CCDC85A: variants seen among roughly 807,000 people sequenced by gnomAD.
CCDC85A encodes the protein coiled-coil domain containing 85A, also known as coiled-coil domain-containing protein 85A.
A neutral mutation model predicts 50.2 loss-of-function variants in CCDC85A; 38 were observed. The observed-to-expected ratio is 0.76, with a 90% confidence interval of 0.58 to 0.99. CCDC85A has a LOEUF of 0.99. CCDC85A is among the 50% of genes least tolerant of loss of function. The probability of loss-of-function intolerance (pLI) is 0.00; values close to 1 mark genes in which losing one functional copy is unlikely to be tolerated. For missense variants in CCDC85A, 820 were observed against 742.0 expected (o/e 1.11, Z -1.22); for synonymous variants, 366 against 301.4 (o/e 1.21, Z -2.22).
chr2:56,258,654 A>C (rs1573116847), intron 2 of CCDC85A, among the ~76,000 whole-genome samples: 1 of 152,222 alleles, frequency 6.6e-6, no homozygotes, highest in Non-Finnish European at 1.5e-5. Flanking sequence ...GGCAGGGATA[A>C]AGTTTGCAGA....
chr2:56,353,761 A>C (rs990395126), intron 3 of CCDC85A, among the ~76,000 whole-genome samples: 6 of 152,242 alleles, frequency 3.9e-5, no homozygotes, highest in African/African-American at 1.4e-4. Flanking sequence ...CTTTAAATCC[A>C]GTGCAACATT....
chr2:56,201,038 T>A (rs1342694461), intron 2 of CCDC85A, among the ~76,000 whole-genome samples: 7 of 151,154 alleles, frequency 4.6e-5, no homozygotes, highest in Admixed American at 4.6e-4. Context: ...GTGGATTTGG[T>A]AATTGCTCAA....
chr2:56,280,066 C>G (rs1303924557), intron 2 of CCDC85A, among the ~76,000 whole-genome samples: 1 of 152,184 alleles, frequency 6.6e-6, no homozygotes, highest in Non-Finnish European at 1.5e-5. Flanking sequence ...TACATACTAT[C>G]CTCACCCCCC....
intron 2 of CCDC85A, among the ~76,000 whole-genome samples, chr2:56,299,017 C>T (rs369324026): frequency 6.6e-6 from 1 of 152,226 alleles, no homozygotes. Context: ...CAAATCTAGT[C>T]ACCTTGTAGC....
chr2:56,310,880 T>G (rs1479401773), intron 2 of CCDC85A, among the ~76,000 whole-genome samples: 3 of 152,212 alleles, frequency 2.0e-5, no homozygotes, highest in African/African-American at 7.2e-5. Flanking sequence ...CCATGAAGAC[T>G]GGCTAAAGTC....
intron 2 of CCDC85A, among the ~76,000 whole-genome samples, chr2:56,255,029 C>T (rs991140907): frequency 4.6e-5 from 7 of 151,990 alleles, no homozygotes; most frequent in Admixed American, 1.3e-4. Context: ...TCTGGGACAC[C>T]GCTGATGAAG....
chr2:56,329,692 A>G (rs1263994300), intron 2 of CCDC85A, among the ~76,000 whole-genome samples: 1 of 152,184 alleles, frequency 6.6e-6, no homozygotes, highest in African/African-American at 2.4e-5. Context: ...TAGCCAGTAC[A>G]GAGTATATGC....
At chr2:56,221,047 A>T (rs1333686274) in intron 2 of CCDC85A, among the ~76,000 whole-genome samples, 1 of 151,922 alleles carries the variant, frequency 6.6e-6, no homozygotes, top group Non-Finnish European at 1.5e-5. Context: ...TTTGTAAAAA[A>T]GTCTGTGTTG....
intron 2 of CCDC85A, among the ~76,000 whole-genome samples, chr2:56,275,244 C>T (rs985795776): frequency 1.3e-5 from 2 of 151,690 alleles, no homozygotes; most frequent in Admixed American, 6.6e-5. Flanking sequence ...TGAATGTATC[C>T]CCAGCTACAT....
At chr2:56,279,964 C>T (rs2904126) in intron 2 of CCDC85A, among the ~76,000 whole-genome samples, 13,204 of 152,176 alleles carry the variant, frequency 0.087, 1,875 homozygotes, top group African/African-American at 0.3. Flanking sequence ...CAGGTTATTT[C>T]CCATGGAGCA....
At chr2:56,247,135 G>A (rs967569618) in intron 2 of CCDC85A, among the ~76,000 whole-genome samples, 1 of 152,182 alleles carries the variant, frequency 6.6e-6, no homozygotes, top group Non-Finnish European at 1.5e-5. Flanking sequence ...AACCAAGACT[G>A]TCCTGGATAT....
At chr2:56,212,086 C>T (rs1677204001) in intron 2 of CCDC85A, among the ~76,000 whole-genome samples, 1 of 152,048 alleles carries the variant, frequency 6.6e-6, no homozygotes, top group Non-Finnish European at 1.5e-5. Flanking sequence ...CACTCACACC[C>T]CAAGTTGGTC....
chr2:56,245,808 T>C (rs1030279115), intron 2 of CCDC85A, among the ~76,000 whole-genome samples: 5 of 152,166 alleles, frequency 3.3e-5, no homozygotes, highest in Non-Finnish European at 7.3e-5. Context: ...ATATAGCATT[T>C]GGGCAGCTTG....
rs573078237 is a variant in CCDC85A at position 56,219,043 on chromosome 2, G to T, written c.1240+25603G>T. The stretch of plus-strand genomic sequence containing the variant: ...TCCAAGCTCTTCCTCTATTTTTTTT[G>T]AATGAACTGAAATGATCATGGGTAT... On this transcript the variant is annotated intron_variant, in intron 2 of 5. Transcript: ENST00000407595. Among the ~76,000 whole-genome samples the T allele has an allele frequency of 4.0e-5, 6 of 150,382 alleles. No homozygotes were observed. The South Asian group carries it at 8.4e-4, about 21-fold the overall frequency.
Position 56,259,634 on chromosome 2 carries a change from C to T in CCDC85A, c.1240+66194C>T, listed in dbSNP as rs1670137224. Among the ~76,000 whole-genome samples, 3 of 152,190 alleles carry T rather than the reference C, an allele frequency of 2.0e-5. No individual in the cohort carries two copies. The South Asian group carries it at 6.2e-4, about 32-fold the overall frequency. On this transcript the variant is annotated intron_variant, in intron 2 of 5. Coordinates refer to ENST00000407595, the MANE Select transcript of CCDC85A (RefSeq NM_001080433.2). ...TGCTTTAACTTCAGCTAGTGTTTCT[C>T]TTTGAGTCTGGGACCATTCAAAACT... is the stretch of plus-strand genomic sequence containing the variant.
chr2:56,195,518 A>G (rs535630314), intron 2 of CCDC85A, among the ~76,000 whole-genome samples: 7 of 152,350 alleles, frequency 4.6e-5, no homozygotes, highest in Admixed American at 6.5e-5. Context: ...TTGTATTTTA[A>G]TTTCAGTAAT....
At position 56,233,222 on chromosome 2, in the gene CCDC85A, C is replaced by A. The variant is rs529108853; in HGVS notation, c.1240+39782C>A. On this transcript the variant is annotated intron_variant, in intron 2 of 5. Coordinates refer to ENST00000407595, the MANE Select transcript of CCDC85A (RefSeq NM_001080433.2). Reference sequence around the variant, plus strand: ...TTGGTGCACATTGATAGTACTTTCCCGGATAGGCAAGGAAATTGAGACTGA... The same window carrying A: ...TTGGTGCACATTGATAGTACTTTCCAGGATAGGCAAGGAAATTGAGACTGA... Among the ~76,000 whole-genome samples, 35 of 152,282 alleles carry A rather than the reference C, an allele frequency of 2.3e-4. No homozygotes were observed. In the South Asian group the frequency reaches 3.7e-3, roughly 16 times the overall value.
In CCDC85A at chr2:56,386,030, T is replaced by C. The variant is rs1274125183; in HGVS notation, c.*1675T>C. On this transcript the variant is annotated 3_prime_UTR_variant, in exon 6 of 6. Coordinates refer to ENST00000407595, the MANE Select transcript of CCDC85A (RefSeq NM_001080433.2). ...CTGCAGCAGAGCCTGCAGAAGCTAA[T>C]ACAAGGGACACTGGTCTTTTGACAA... The C allele has an allele frequency of 6.6e-6, 1 of 152,258 alleles. No homozygotes were observed. The allele number at this position is 152,258 out of a possible 1,614,324, so 9.4% of individuals were successfully genotyped here.
chr2:56,212,622 G>A (rs376272018), intron 2 of CCDC85A, among the ~76,000 whole-genome samples: 4 of 152,104 alleles, frequency 2.6e-5, no homozygotes, highest in South Asian at 4.1e-4. Flanking sequence ...TTCAAAAGTA[G>A]AAAGTCTTAA....
Sources: allele counts gnomAD v4.1 joint callset (sites outside exome capture counted in the v4.1 genomes callset), GRCh38; gene constraint gnomAD v4.1.1; transcripts MANE v1.5; gene names NCBI Gene and HGNC (gene_info 2026-07-23, HGNC 2026-07-21).